The following ENAH variants were observed in gnomAD, a reference collection of about 807,000 sequenced individuals.
ENAH encodes protein enabled homolog.
ENAH carries 23 observed loss-of-function variants against 78.7 expected under a neutral mutation model. The observed-to-expected ratio is 0.29, with a 90% confidence interval of 0.21 to 0.41. The LOEUF (loss-of-function observed/expected upper bound fraction) is 0.41. ENAH is among the 10% of genes least tolerant of loss of function. The pLI is 1.00. For synonymous variants in ENAH, 226 were observed against 241.0 expected, an observed-to-expected ratio of 0.94 and a Z score of 0.58; for missense variants, 544 against 691.0, an observed-to-expected ratio of 0.79 and a Z score of 2.39.
In ENAH at chr1:225,648,703, T is replaced by A. The variant is rs577209538; in HGVS notation, c.5+3983A>T. Among the ~76,000 whole-genome samples the A allele has an allele frequency of 5.3e-5, 8 of 151,450 alleles. No individual in the cohort carries two copies. In the South Asian group the frequency reaches 1.7e-3, roughly 32 times the overall value. On this transcript the variant is annotated intron_variant, in intron 1 of 13. Coordinates refer to ENST00000366843, the MANE Select transcript of ENAH (RefSeq NM_018212.6). ...AGAGACTACTATTTGTATCCTTTCA[T>A]GGATATCTCACTTGACACTTCACAA...
At chr1:225,568,613 C>G (rs2096746305) in intron 1 of ENAH, among the ~76,000 whole-genome samples, 1 of 152,170 alleles carries the variant, frequency 6.6e-6, no homozygotes, top group Non-Finnish European at 1.5e-5. Context: ...AATTTTATCT[C>G]AAAAATTTTA....
At chr1:225,613,629 A>G (rs776773024) in intron 1 of ENAH, among the ~76,000 whole-genome samples, 2 of 152,188 alleles carry the variant, frequency 1.3e-5, no homozygotes, top group Non-Finnish European at 2.9e-5. Flanking sequence ...TTTTCTGAGA[A>G]CAAAGCAAAG....
chr1:225,557,624 C>CA (rs1250770000), intron 2 of ENAH, among the ~76,000 whole-genome samples: 1 of 152,112 alleles, frequency 6.6e-6, no homozygotes, highest in Non-Finnish European at 1.5e-5. Context: ...AGTTCAAGAC[C>CA]AGCCTGGCCA....
intron 1 of ENAH, among the ~76,000 whole-genome samples, chr1:225,587,868 AAG>A (rs1005223893): frequency 1.3e-4 from 20 of 152,286 alleles, no homozygotes; most frequent in African/African-American, 4.3e-4. Context: ...ATTTTTTAAA[AAG>A]ACGTCAGTGG....
chr1:225,554,852 T>C lies in ENAH; in HGVS notation c.349+54A>G, dbSNP rs2096658787. ...CAAGAATACAAGTAAATCTTCAGTT[T>C]TGCTTTGTCTCTGGAAAAAGAAAGA... On this transcript the variant is annotated intron_variant, in intron 3 of 13. Transcript: ENST00000366843. The C allele has an allele frequency of 2.1e-6, 3 of 1,400,384 alleles. No individual in the cohort carries two copies. The Admixed American group carries it at 6.3e-5, about 29-fold the overall frequency. The allele number at this position is 1,400,384 out of a possible 1,614,324, so 86.7% of individuals were successfully genotyped here.
At chr1:225,632,587 A>G (rs1659295039) in intron 1 of ENAH, among the ~76,000 whole-genome samples, 1 of 152,166 alleles carries the variant, frequency 6.6e-6, no homozygotes, top group African/African-American at 2.4e-5. Context: ...TTAATACTGT[A>G]TATGTTGACT....
At chr1:225,548,091 A>T (rs1373197409) in intron 3 of ENAH, among the ~76,000 whole-genome samples, 1 of 152,226 alleles carries the variant, frequency 6.6e-6, no homozygotes. Context: ...ATAGAAAAAA[A>T]GAAAACACCC....
intron 1 of ENAH, among the ~76,000 whole-genome samples, chr1:225,586,038 A>T (rs1156240885): frequency 6.6e-6 from 1 of 151,868 alleles, no homozygotes; most frequent in Non-Finnish European, 1.5e-5. Flanking sequence ...ACAAGGTCAG[A>T]CTCTTAACTC....
rs75586025 is a variant in ENAH, at chr1:225,547,990, A to G, written c.349+6916T>C. ...ATGGTTGTGCCTTACCTCCCCTGTA[A>G]GAGGAGAAAGAAGATCTGTGAGGAC... is the stretch of plus-strand genomic sequence containing the variant. On this transcript the variant is annotated intron_variant, in intron 3 of 13. Coordinates refer to ENST00000366843, the MANE Select transcript of ENAH (RefSeq NM_018212.6). 3.7e-4 allele frequency among the ~76,000 whole-genome samples: 57 copies of G among 152,306 alleles called. No homozygotes were observed. In the East Asian group the frequency reaches 0.01, roughly 27 times the overall value.
chr1:225,649,585 C>G (rs532394774), intron 1 of ENAH, among the ~76,000 whole-genome samples: 1 of 152,280 alleles, frequency 6.6e-6, no homozygotes, highest in South Asian at 2.1e-4. Context: ...AGACAGGACA[C>G]TAAAAGTACC....
intron 1 of ENAH, among the ~76,000 whole-genome samples, chr1:225,580,524 T>C (rs1401702345): frequency 6.6e-6 from 1 of 152,082 alleles, no homozygotes; most frequent in Non-Finnish European, 1.5e-5. Context: ...GTGTAATAAA[T>C]ACGTGACGTT....
At chr1:225,573,718 G>A (rs1422586313) in intron 1 of ENAH, among the ~76,000 whole-genome samples, 7 of 152,114 alleles carry the variant, frequency 4.6e-5, no homozygotes, top group Non-Finnish European at 1.5e-5. Context: ...CAAAAGAGGA[G>A]GCAATCAAAA....
At chr1:225,567,511 G>A (rs2151512920) in intron 1 of ENAH, 97 bp from the exon 2 acceptor site, 1 of 1,220,026 alleles carries the variant, frequency 8.2e-7, no homozygotes, top group South Asian at 1.6e-5. Context: ...TCAACGATCA[G>A]TGCTGTTATT....
intron 11 of ENAH, among the ~76,000 whole-genome samples, chr1:225,502,359 A>C (rs567044221): frequency 1.3e-5 from 2 of 152,122 alleles, no homozygotes; most frequent in Admixed American, 1.3e-4. Flanking sequence ...TTACAGGTGC[A>C]CCACAATGCC....
intron 3 of ENAH, among the ~76,000 whole-genome samples, chr1:225,543,310 A>G (rs901682069): frequency 1.3e-5 from 2 of 152,224 alleles, no homozygotes; most frequent in Non-Finnish European, 2.9e-5. Context: ...CTTTGTTACA[A>G]TATTACCACA....
chr1:225,544,186 G>T (rs952191288), intron 3 of ENAH, among the ~76,000 whole-genome samples: 1 of 152,136 alleles, frequency 6.6e-6, no homozygotes, highest in Non-Finnish European at 1.5e-5. Context: ...CCACACAGAG[G>T]TATCACAATT....
intron 1 of ENAH, among the ~76,000 whole-genome samples, chr1:225,572,245 C>T (rs1167207053): frequency 6.6e-6 from 1 of 152,118 alleles, no homozygotes; most frequent in Non-Finnish European, 1.5e-5. Flanking sequence ...ACTCCGATTA[C>T]AGGTGTGATG....
At chr1:225,565,728 G>A (rs954387014) in intron 2 of ENAH, among the ~76,000 whole-genome samples, 3 of 152,074 alleles carry the variant, frequency 2.0e-5, no homozygotes, top group Non-Finnish European at 4.4e-5. Flanking sequence ...AGATGAGACA[G>A]TGCTCCCCAG....
chr1:225,570,974 T>C (rs2096759288), intron 1 of ENAH, among the ~76,000 whole-genome samples: 1 of 152,004 alleles, frequency 6.6e-6, no homozygotes, highest in South Asian at 2.1e-4. Flanking sequence ...AAAAAGAATA[T>C]GGTATAAAAT....
Sources: allele counts gnomAD v4.1 joint callset (sites outside exome capture counted in the v4.1 genomes callset), GRCh38; gene constraint gnomAD v4.1.1; transcripts MANE v1.5; gene names NCBI Gene and HGNC (gene_info 2026-07-23, HGNC 2026-07-21).